SCYL2: variants seen among roughly 807,000 people sequenced by gnomAD.
SCYL2 encodes SCY1-like protein 2.
Under a neutral mutation model 100.4 loss-of-function variants are expected in SCYL2, and 36 were observed. The observed-to-expected ratio is 0.36, with a 90% CI of 0.27 to 0.47. The LOEUF (loss-of-function observed/expected upper bound fraction) is 0.47, where lower values mean the gene tolerates loss of function less well. SCYL2 is among the 20% of genes least tolerant of loss of function. The pLI, the probability that SCYL2 is intolerant of heterozygous loss-of-function variation, is 1.00. For synonymous variants in SCYL2, 330 were observed against 359.2 expected, an observed-to-expected ratio of 0.92 and a Z score of 0.92; for missense variants, 902 against 1,083.9, an observed-to-expected ratio of 0.83 and a Z score of 2.36.
At chr12:100,294,262 C>T (rs1181179179) in intron 3 of SCYL2, among the ~76,000 whole-genome samples, 1 of 131,796 alleles carries the variant, frequency 7.6e-6, no homozygotes, top group Non-Finnish European at 1.6e-5. Flanking sequence ...GGGGCTGACC[C>T]CCCAACCTCC....
chr12:100,296,574 G>T (rs1027001178), intron 3 of SCYL2, among the ~76,000 whole-genome samples: 7 of 151,894 alleles, frequency 4.6e-5, no homozygotes, highest in African/African-American at 1.5e-4. Flanking sequence ...CTAACACTGG[G>T]GAATACAGAA....
intron 13 of SCYL2, 32 bp from the exon 14 acceptor site, chr12:100,334,134 A>G (rs758316926): frequency 5.6e-6 from 7 of 1,245,004 alleles, no homozygotes; most frequent in Non-Finnish European, 8.2e-6. Context: ...AACTTGAAAC[A>G]TTGTAACCAT....
chr12:100,320,549 AAAAT>A (rs10644195), intron 10 of SCYL2, among the ~76,000 whole-genome samples: 17,813 of 139,658 alleles, frequency 0.13, 1,421 homozygotes, highest in Non-Finnish European at 0.18. Flanking sequence ...CTCCGTCTCA[AAAAT>A]AAATAAATAA....
chr12:100,336,217 C>A (rs1952275085), intron 16 of SCYL2, among the ~76,000 whole-genome samples: 1 of 152,108 alleles, frequency 6.6e-6, no homozygotes, highest in Non-Finnish European at 1.5e-5. Context: ...CTCTTTGCTT[C>A]TGCTCCTGTG....
chr12:100,304,322 G>C (rs1431867634), intron 4 of SCYL2, among the ~76,000 whole-genome samples: 1 of 152,004 alleles, frequency 6.6e-6, no homozygotes, highest in African/African-American at 2.4e-5. Context: ...AAAAACTGCA[G>C]CCAGCTCGGT....
intron 3 of SCYL2, among the ~76,000 whole-genome samples, chr12:100,294,005 G>A (rs1172666415): frequency 1.3e-5 from 2 of 151,340 alleles, no homozygotes; most frequent in African/African-American, 2.4e-5. Flanking sequence ...CCACAAAGCC[G>A]CGATTGTCAT....
chr12:100,281,019 GTTT>G (rs202048587), intron 1 of SCYL2, among the ~76,000 whole-genome samples: 1 of 50,466 alleles, frequency 2.0e-5, no homozygotes, highest in African/African-American at 6.9e-5. Flanking sequence ...TACCATCAGT[GTTT>G]TTTTTTTTTT....
At chr12:100,278,610 C>T (rs909478649) in intron 1 of SCYL2, among the ~76,000 whole-genome samples, 9 of 149,480 alleles carry the variant, frequency 6.0e-5, no homozygotes, top group African/African-American at 2.2e-4. Context: ...TGTGTTGTTT[C>T]TGCCAAATTT....
chr12:100,298,283 C>A, intron 4 of SCYL2, 108 bp downstream of exon 4: 1 of 791,580 alleles, frequency 1.3e-6, no homozygotes. Context: ...ACTTTTGGTT[C>A]TTGTTAGTAA....
In SCYL2 at chr12:100,310,982, GAC is replaced by G. The variant is rs1209960411; in HGVS notation, c.481-60_481-59del. 75 of 1,363,634 alleles carry G rather than the reference GAC, an allele frequency of 5.5e-5. No homozygotes were observed. The Admixed American group carries it at 2.0e-3, about 36-fold the overall frequency. The allele number at this position is 1,363,634 out of a possible 1,614,324, so 84.5% of individuals were successfully genotyped here. On this transcript the variant is annotated intron_variant, in intron 4 of 17. Coordinates refer to ENST00000360820, the MANE Select transcript of SCYL2 (RefSeq NM_017988.6). ...GTAGCAATAATTATTATTTTTGTGA[GAC>G]ATTTTATTATAATTGAAAGGAGTTT...
intron 4 of SCYL2, among the ~76,000 whole-genome samples, chr12:100,301,835 G>T (rs1423944035): frequency 6.6e-6 from 1 of 152,158 alleles, no homozygotes; most frequent in Non-Finnish European, 1.5e-5. Context: ...TCAAATAAAG[G>T]GAGTCTTTCA....
At chr12:100,317,030 AG>A (rs1167100460) in intron 9 of SCYL2, among the ~76,000 whole-genome samples, 1 of 151,544 alleles carries the variant, frequency 6.6e-6, no homozygotes, top group East Asian at 1.9e-4. Flanking sequence ...TGGGAGGTCG[AG>A]GCTGCGGTAA....
chr12:100,310,148 G>A (rs906621560), intron 4 of SCYL2, among the ~76,000 whole-genome samples: 3 of 152,016 alleles, frequency 2.0e-5, no homozygotes, highest in African/African-American at 4.8e-5. Flanking sequence ...AGAGGCACGC[G>A]CCACCATGCC....
At chr12:100,292,533 G>A (rs79963423) in intron 3 of SCYL2, among the ~76,000 whole-genome samples, 2,572 of 152,180 alleles carry the variant, frequency 0.017, 74 homozygotes, top group African/African-American at 0.058. Flanking sequence ...CAATTCTTAC[G>A]TTGGAATCCT....
intron 2 of SCYL2, among the ~76,000 whole-genome samples, chr12:100,283,687 C>T (rs2096301400): frequency 1.3e-5 from 2 of 152,146 alleles, no homozygotes; most frequent in African/African-American, 2.4e-5. Context: ...CTTATATATA[C>T]CTCCCAATGA....
intron 14 of SCYL2, among the ~76,000 whole-genome samples, chr12:100,335,290 C>G (rs1026012895): frequency 2.6e-5 from 4 of 152,026 alleles, no homozygotes; most frequent in Non-Finnish European, 5.9e-5. Flanking sequence ...ATCACAGACT[C>G]AGAACTTAAT....
At chr12:100,329,931 C>T (rs1952187781) in intron 13 of SCYL2, among the ~76,000 whole-genome samples, 1 of 152,190 alleles carries the variant, frequency 6.6e-6, no homozygotes, top group South Asian at 2.1e-4. Flanking sequence ...GACTTTCCAA[C>T]ATGGCAACTT....
At chr12:100,331,685 A>G (rs912171182) in intron 13 of SCYL2, among the ~76,000 whole-genome samples, 4 of 152,050 alleles carry the variant, frequency 2.6e-5, no homozygotes, top group African/African-American at 7.2e-5. Flanking sequence ...GGCTATTTTC[A>G]TCAACAAATA....
intron 14 of SCYL2, 119 bp from the exon 15 acceptor site, chr12:100,335,506 C>CT: frequency 1.5e-6 from 1 of 685,734 alleles, no homozygotes; most frequent in Non-Finnish European, 2.4e-6. Flanking sequence ...AAAGATGACT[C>CT]TTCTTAAAGA....
Sources: gnomAD v4.1 joint callset for allele counts (sites outside exome capture counted in the v4.1 genomes callset) on GRCh38, gnomAD v4.1.1 for gene constraint, MANE v1.5 for transcripts, NCBI Gene and HGNC (gene_info 2026-07-23, HGNC 2026-07-21) for gene names.